Variants in PRKCZ observed in about 807,000 individuals in gnomAD.
PRKCZ encodes the protein protein kinase C zeta, also known as protein kinase C zeta type.
Under a neutral mutation model 79.5 loss-of-function variants are expected in PRKCZ, and 33 were observed. The observed-to-expected ratio is 0.41, with a 90% CI of 0.31 to 0.55. The LOEUF (loss-of-function observed/expected upper bound fraction) is 0.55, where lower values mean the gene tolerates loss of function less well. PRKCZ is among the 20% of genes least tolerant of loss of function. The pLI is 0.19. For synonymous variants in PRKCZ, 342 were observed against 320.9 expected, an observed-to-expected ratio of 1.07 and a Z score of -0.70; for missense variants, 578 against 813.5, an observed-to-expected ratio of 0.71 and a Z score of 3.52.
chr1:2,151,680 T>G (rs1679934144), intron 9 of PRKCZ, among the ~76,000 whole-genome samples: 1 of 152,202 alleles, frequency 6.6e-6, no homozygotes. Context: ...TCTTTTTTTT[T>G]GGAAACGGTC....
rs962794656 is a variant in PRKCZ, at chr1:2,174,380, G to A, written c.1405+364G>A. ...CACCATCATGGGCTCCTTCCCACCT[G>A]GAGGCCCCGGGACCTGCTCCTGGTC... On this transcript the variant is annotated intron_variant, in intron 14 of 17. Transcript: ENST00000378567. The surrounding 1 kb of genome is among the most constrained non-coding windows in gnomAD (Gnocchi z 6.2). 1.3e-5 allele frequency among the ~76,000 whole-genome samples: 2 copies of A among 152,212 alleles called. No homozygotes were observed. The highest frequency in any genetic ancestry group is 4.8e-5 in the African/African-American group (2 of 41,452).
chr1:2,071,319 A>G, intron 4 of PRKCZ: 1 of 467,726 alleles, frequency 2.1e-6, no homozygotes, highest in Non-Finnish European at 4.3e-6. Flanking sequence ...GTGGGAAGAG[A>G]GCGGCCCCAC....
intron 16 of PRKCZ, among the ~76,000 whole-genome samples, chr1:2,179,540 G>A (rs1686129618): frequency 6.6e-6 from 1 of 152,258 alleles, no homozygotes; most frequent in South Asian, 2.1e-4. Flanking sequence ...AAAGGTGGTG[G>A]TGAGTTAACA....
chr1:2,184,892 C>T (rs778205741), intron 17 of PRKCZ, 30 bp from the exon 18 acceptor site: 3 of 1,588,030 alleles, frequency 1.9e-6, no homozygotes, highest in African/African-American at 2.7e-5. Context: ...ACACGGTCAC[C>T]CCCCTCCCCC....
At chr1:2,129,600 T>A (rs1674578208) in intron 4 of PRKCZ, among the ~76,000 whole-genome samples, 2 of 152,042 alleles carry the variant, frequency 1.3e-5, no homozygotes, top group Non-Finnish European at 2.9e-5. Context: ...ATTGTAACAG[T>A]GTAGCAGGCG....
chr1:2,093,286 C>T (rs1422109357), intron 4 of PRKCZ, among the ~76,000 whole-genome samples: 2 of 152,116 alleles, frequency 1.3e-5, no homozygotes, highest in Non-Finnish European at 2.9e-5. Flanking sequence ...CTGCTTCCTG[C>T]GCCCTGTTTA....
intron 1 of PRKCZ, among the ~76,000 whole-genome samples, chr1:2,055,169 C>A (rs1156648893): frequency 6.6e-6 from 1 of 151,986 alleles, no homozygotes. Flanking sequence ...GTCTCGATCT[C>A]CTGACCTCGT....
At chr1:2,176,055 A>T (rs1408013024) in intron 16 of PRKCZ, among the ~76,000 whole-genome samples, 1 of 152,010 alleles carries the variant, frequency 6.6e-6, no homozygotes, top group Non-Finnish European at 1.5e-5. Flanking sequence ...AAGGAGAGTG[A>T]GTCTGTGGAC....
chr1:2,114,017 G>A (rs1379610045), intron 4 of PRKCZ, among the ~76,000 whole-genome samples: 1 of 152,174 alleles, frequency 6.6e-6, no homozygotes, highest in Non-Finnish European at 1.5e-5. Context: ...AGGGAGAGCG[G>A]GCGCCATGTT....
chr1:2,182,052 C>A, intron 16 of PRKCZ: 1 of 331,832 alleles, frequency 3.0e-6, no homozygotes. Flanking sequence ...ACGTGTCCAG[C>A]CTTACGTGGA....
intron 16 of PRKCZ, 30 bp from the exon 17 acceptor site, chr1:2,184,553 A>C: frequency 1.3e-6 from 2 of 1,580,156 alleles, no homozygotes; most frequent in South Asian, 1.1e-5. Context: ...GCCCGCGCGG[A>C]GCTGACCCTT....
Position 2,173,891 on chromosome 1 carries a change from C to T in PRKCZ, c.1286-6C>T, listed in dbSNP as rs1175906730. ...CACTCGGTGATGGCTGTGTGCTCTC[C>T]CCCAGGGTTCAGCGTGGACTGGTGG... On this transcript the variant is annotated splice_region_variant and splice_polypyrimidine_tract_variant and intron_variant, in intron 13 of 17. Coordinates refer to ENST00000378567, the MANE Select transcript of PRKCZ (RefSeq NM_002744.6). This position sits in a 1 kb window ranked among gnomAD's most constrained non-coding sequence, Gnocchi z 5.7. 6 of 1,599,540 alleles carry T rather than the reference C, an allele frequency of 3.8e-6. No homozygotes were observed. Among genetic ancestry groups the T allele is most frequent in the Non-Finnish European group, 5.1e-6 (6 of 1,171,670 alleles).
intron 10 of PRKCZ, among the ~76,000 whole-genome samples, chr1:2,158,446 T>C (rs1013471723): frequency 6.6e-6 from 1 of 152,264 alleles, no homozygotes; most frequent in Non-Finnish European, 1.5e-5. Context: ...CGCCTGCGCC[T>C]GACGGCTCTG....
rs1465079192 is a variant in PRKCZ at position 2,075,655 on chromosome 1, C to T, written c.334+16064C>T. ...GCTTGGTCCCACCTCCCAGACTCAC[C>T]TCTGGGCTCCGGGCTCTGCTGCGAT... On this transcript the variant is annotated intron_variant, in intron 4 of 17. Coordinates refer to ENST00000378567, the MANE Select transcript of PRKCZ (RefSeq NM_002744.6). The surrounding 1 kb of genome is among the most constrained non-coding windows in gnomAD (Gnocchi z 4.8). Among the ~76,000 whole-genome samples the T allele has an allele frequency of 6.6e-6, 1 of 152,212 alleles. No homozygotes were observed. Among genetic ancestry groups the T allele is most frequent in the African/African-American group, 2.4e-5 (1 of 41,458 alleles).
At chr1:2,157,209 A>G (rs904632985) in intron 10 of PRKCZ, among the ~76,000 whole-genome samples, 4 of 152,098 alleles carry the variant, frequency 2.6e-5, no homozygotes, top group African/African-American at 9.7e-5. Flanking sequence ...GGATGATGCC[A>G]GTCTACTTCA....
chr1:2,053,170 G>A (rs1306405888), intron 1 of PRKCZ, among the ~76,000 whole-genome samples: 3 of 150,236 alleles, frequency 2.0e-5, no homozygotes. Context: ...GTGTGGTCTC[G>A]GCCCACTGTA....
intron 10 of PRKCZ, among the ~76,000 whole-genome samples, chr1:2,161,995 C>T (rs1682417583): frequency 6.6e-6 from 1 of 152,132 alleles, no homozygotes; most frequent in Admixed American, 6.5e-5. Flanking sequence ...GAACCTTCGT[C>T]CGCACTCCAA....
intron 10 of PRKCZ, among the ~76,000 whole-genome samples, chr1:2,158,656 T>A (rs262653): frequency 2.0e-5 from 3 of 152,036 alleles, no homozygotes; most frequent in Non-Finnish European, 1.5e-5. Flanking sequence ...GCTTTGGTTC[T>A]TCTTCATATG....
chr1:2,124,223 A>ACGG, intron 4 of PRKCZ, among the ~76,000 whole-genome samples: 1 of 122,844 alleles, frequency 8.1e-6, no homozygotes, highest in Non-Finnish European at 1.8e-5. Context: ...AGTTAGCGTC[A>ACGG]CGGTGGTGGT....
Sources: allele counts gnomAD v4.1 joint callset (sites outside exome capture counted in the v4.1 genomes callset), GRCh38; gene constraint gnomAD v4.1.1; non-coding constraint Gnocchi (gnomAD v3.1); transcripts MANE v1.5; gene names NCBI Gene and HGNC (gene_info 2026-07-23, HGNC 2026-07-21).